Variants in SSC5D observed in about 807,000 individuals in gnomAD.
SSC5D encodes soluble scavenger receptor cysteine-rich domain-containing protein SSC5D.
SSC5D carries 106 observed loss-of-function variants against 104.6 expected under a neutral mutation model. The ratio of observed to expected loss-of-function variants is 1.01; its 90% confidence interval spans 0.87 to 1.19. SSC5D has a LOEUF of 1.19. Ranked by LOEUF, SSC5D falls within the 50% of genes most tolerant of loss-of-function variation. The pLI is 0.00. For synonymous variants in SSC5D, 860 were observed against 883.5 expected (o/e 0.97, Z 0.47); for missense variants, 1,993 against 2,153.8 (o/e 0.93, Z 1.48).
rs1447724512 is a variant in SSC5D at position 55,488,687 on chromosome 19, T to C, written c.25+73T>C. Reference sequence around the variant, plus strand: ...CTCTGACCCCTTAGCTTGTCCAGTTTAGGGACTCAAACTTCCGGGACTGGT... The same window carrying C: ...CTCTGACCCCTTAGCTTGTCCAGTTCAGGGACTCAAACTTCCGGGACTGGT... On this transcript the variant is annotated intron_variant, in intron 1 of 13. Transcript: ENST00000389623. 19 of 1,390,098 alleles carry C rather than the reference T, an allele frequency of 1.4e-5. No individual in the cohort carries two copies. In the East Asian group the frequency reaches 3.2e-4, roughly 24 times the overall value. 86.1% of individuals were successfully genotyped at this position (1,390,098 alleles called of 1,614,324 possible). A position where few individuals can be genotyped will look rare whatever the true frequency, so the allele number is the denominator to read the frequency against.
At chr19:55,504,905 A>G (rs1987604603) in intron 12 of SSC5D, among the ~76,000 whole-genome samples, 1 of 152,232 alleles carries the variant, frequency 6.6e-6, no homozygotes, top group African/African-American at 2.4e-5. Context: ...TTCAGGCCAT[A>G]GAAACTGTTG....
In SSC5D at chr19:55,500,056, C is replaced by T. The variant is rs1042519956; in HGVS notation, c.1946C>T (p.Thr649Met). 4.3e-5 allele frequency: 66 copies of T among 1,551,662 alleles called. No individual in the cohort carries two copies. Among genetic ancestry groups the T allele is most frequent in the Non-Finnish European group, 3.0e-5 (34 of 1,147,016 alleles). The change falls in exon 10 of 14, where the codon ACG becomes ATG. Residue 649 changes from threonine to methionine, a missense_variant. Thr to Met is a moderately conservative substitution (Grantham distance 81). Coordinates refer to ENST00000389623, the MANE Select transcript of SSC5D (RefSeq NM_001144950.2). This position sits in a 1 kb window ranked among gnomAD's most constrained non-coding sequence, Gnocchi z 4.6. ...ACTCAACCCCCAGTGATGCCAACCA[C>T]GAAACACTCCAGGGCCCAAAGCCCC... is the stretch of plus-strand genomic sequence containing the variant. ...PTTQPPVMPT[T>M]KHSRAQSPPD...
In SSC5D at chr19:55,517,644, C is replaced by T. The variant is rs957280811; in HGVS notation, c.3368C>T (p.Thr1123Ile). Reference sequence around the variant, plus strand: ...TCAGAGCAGGTCCCAGAATCTGACACAACCCCAGATTTGGACACAACTCCA... The same window carrying T: ...TCAGAGCAGGTCCCAGAATCTGACATAACCCCAGATTTGGACACAACTCCA... ...PTSEQVPESDTTPDLDTTPYS... is the reference protein window; with the variant it reads ...PTSEQVPESDITPDLDTTPYS... The change falls in exon 14 of 14, where the codon ACA (threonine) becomes ATA (isoleucine). Residue 1123 changes from threonine (T) to isoleucine (I), a missense_variant. Physicochemically the swap from Thr to Ile is moderately conservative, Grantham distance 89. Transcript: ENST00000389623. The T allele has an allele frequency of 1.5e-5, 24 of 1,551,688 alleles. No homozygotes were observed. In the Admixed American group the frequency reaches 3.7e-4, roughly 24 times the overall value.
chr19:55,489,868 C>CG lies in SSC5D; in HGVS notation c.362-14_362-13insG. On this transcript the variant is annotated splice_polypyrimidine_tract_variant and intron_variant, in intron 3 of 13. Transcript: ENST00000389623. Reference sequence around the variant, plus strand: ...CCTCTCCTCATAGCTTCTGTCCCTGCCCCCCCGCCGCAGGTCAGCGTGTGG... The same window carrying CG: ...CCTCTCCTCATAGCTTCTGTCCCTGCGCCCCCCGCCGCAGGTCAGCGTGTGG... 1 of 1,541,584 alleles carries CG rather than the reference C, an allele frequency of 6.5e-7. No homozygotes were observed. The highest frequency in any genetic ancestry group is 8.8e-7 in the Non-Finnish European group (1 of 1,138,746).
intron 7 of SSC5D, 58 bp downstream of exon 7, chr19:55,493,970 G>T: frequency 2.2e-6 from 1 of 455,668 alleles, no homozygotes; most frequent in South Asian, 2.9e-5. Context: ...GGAGCGGAGG[G>T]GCAAGTTCGG....
Position 55,493,896 on chromosome 19 carries a change from C to A in SSC5D, c.1197C>A (p.Ala399=), listed in dbSNP as rs549195112. 218 of 1,462,998 alleles carry A rather than the reference C, an allele frequency of 1.5e-4. 2 individuals carry two copies. In the Admixed American group the frequency reaches 4.1e-3, roughly 27 times the overall value. 90.6% of individuals were successfully genotyped at this position (1,462,998 alleles called of 1,614,324 possible). ...GQHDCHHRED[A]GAVCDGMPLG... Reference sequence around the variant, plus strand: ...ATGACTGTCACCACCGCGAGGACGCCGGGGCCGTGTGTGACGGTGAGGGGG... The same window carrying A: ...ATGACTGTCACCACCGCGAGGACGCAGGGGCCGTGTGTGACGGTGAGGGGG... Residue 399 remains alanine (A), a synonymous_variant, in exon 7 of 14, where the codon GCC becomes GCA. Coordinates refer to ENST00000389623, the MANE Select transcript of SSC5D (RefSeq NM_001144950.2).
chr19:55,510,576 T>A (rs949691354), intron 12 of SSC5D, among the ~76,000 whole-genome samples: 3 of 150,652 alleles, frequency 2.0e-5, no homozygotes, highest in Admixed American at 1.3e-4. Context: ...CTCAAACTCC[T>A]GACCTCGTGA....
chr19:55,490,486 G>A lies in SSC5D; in HGVS notation c.586+78G>A, dbSNP rs369074820. On this transcript the variant is annotated intron_variant, in intron 5 of 13. Transcript: ENST00000389623. ...GGGCCCAGAAAAACTGAGGACCTGC[G>A]GGCGCCCTCTCCTTAGCCGGGGCCC... 1.8e-3 allele frequency: 1,135 copies of A among 623,562 alleles called. 5 individuals are homozygous for A. The highest frequency in any genetic ancestry group is 1.7e-3 in the Admixed American group (51 of 30,088). The allele number at this position is 623,562 out of a possible 1,614,324, so 38.6% of individuals were successfully genotyped here. A position where few individuals can be genotyped will look rare whatever the true frequency, so the allele number is the denominator to read the frequency against.
At chr19:55,509,999 T>C (rs1317848818) in intron 12 of SSC5D, among the ~76,000 whole-genome samples, 1 of 150,738 alleles carries the variant, frequency 6.6e-6, no homozygotes, top group Non-Finnish European at 1.5e-5. Flanking sequence ...TTTGTGTTCT[T>C]TTTTTTTTGT....
At chr19:55,489,057 T>TTGGGG in intron 2 of SSC5D, 25 bp downstream of exon 2, 2 of 1,247,978 alleles carry the variant, frequency 1.6e-6, no homozygotes, top group Non-Finnish European at 2.1e-6. Flanking sequence ...TCCTCCCATC[T>TTGGGG]GCCCGCCCCC....
intron 6 of SSC5D, 60 bp downstream of exon 6, chr19:55,491,140 C>G: frequency 6.7e-7 from 1 of 1,494,742 alleles, no homozygotes; most frequent in Non-Finnish European, 8.9e-7. Context: ...TCCCTCTTGC[C>G]CCTCCAGGAA....
chr19:55,498,546 C>T (rs4801703), intron 9 of SSC5D, among the ~76,000 whole-genome samples: 1 of 151,922 alleles, frequency 6.6e-6, no homozygotes, highest in East Asian at 1.9e-4. Flanking sequence ...AGCTTTCCTA[C>T]GATGAAAGGA....
At position 55,488,584 on chromosome 19, in the gene SSC5D, G is replaced by A. The variant is rs1218096661; in HGVS notation, c.-6G>A. ...TTTCACCCCATCCCCTGCCCTGGCT[G>A]CAACCATGAGGGTCTTGGCCTGCCT... On this transcript the variant is annotated 5_prime_UTR_variant, in exon 1 of 14. Transcript: ENST00000389623. 3.4e-5 allele frequency: 53 copies of A among 1,549,506 alleles called. No homozygotes were observed. The highest frequency in any genetic ancestry group is 4.4e-5 in the Non-Finnish European group (51 of 1,146,366).
rs1987567498 is a variant in SSC5D at position 55,503,655 on chromosome 19, G to A, written c.2785+2454G>A. 6.6e-6 allele frequency among the ~76,000 whole-genome samples: 1 copy of A among 152,120 alleles called. No individual in the cohort carries two copies. Among genetic ancestry groups the A allele is most frequent in the Non-Finnish European group, 1.5e-5 (1 of 68,016 alleles). On this transcript the variant is annotated intron_variant, in intron 12 of 13. Transcript: ENST00000389623. This position sits in a 1 kb window ranked among gnomAD's most constrained non-coding sequence, Gnocchi z 4.0. Reference sequence around the variant, plus strand: ...TCCCTCTGTGCCCGTCGCAGTCGCTGTTTCTCCGTCTTCTCCCTCCCTTCC... The same window carrying A: ...TCCCTCTGTGCCCGTCGCAGTCGCTATTTCTCCGTCTTCTCCCTCCCTTCC...
intron 8 of SSC5D, among the ~76,000 whole-genome samples, chr19:55,495,901 ATTTTTTT>A (rs36109915): frequency 3.1e-4 from 31 of 98,712 alleles, no homozygotes; most frequent in East Asian, 1.3e-3. Flanking sequence ...GAGCCTGGCT[ATTTTTTT>A]TTTTTTTTTT....
At chr19:55,505,541 C>T (rs1035426541) in intron 12 of SSC5D, among the ~76,000 whole-genome samples, 1 of 151,704 alleles carries the variant, frequency 6.6e-6, no homozygotes, top group African/African-American at 2.4e-5. Context: ...AAGATCAAGG[C>T]GCCAGCAGGG....
chr19:55,495,042 A>C (rs1317351433), intron 8 of SSC5D, among the ~76,000 whole-genome samples: 1 of 151,408 alleles, frequency 6.6e-6, no homozygotes, highest in Non-Finnish European at 1.5e-5. Flanking sequence ...GGATAAGAGA[A>C]AGGATGCTGG....
In SSC5D at chr19:55,500,079, C is replaced by T; in HGVS notation, c.1969C>T (p.Pro657Ser). The T allele has an allele frequency of 6.4e-7, 1 of 1,551,576 alleles. No individual in the cohort carries two copies. The highest frequency in any genetic ancestry group is 8.7e-7 in the Non-Finnish European group (1 of 1,146,828). Residue 657 changes from proline (P) to serine (S), a missense_variant, in exon 10 of 14, where the codon CCC (proline) becomes TCC (serine). Around this residue, in one of 6 missense-constraint regions of SSC5D, gnomAD observed 1,101 missense variants for 1,085.0 expected, o/e 1.01. Coordinates refer to ENST00000389623, the MANE Select transcript of SSC5D (RefSeq NM_001144950.2). This position sits in a 1 kb window ranked among gnomAD's most constrained non-coding sequence, Gnocchi z 4.6. ...PTTKHSRAQS[P>S]PDLTSQTTAA... Reference sequence around the variant, plus strand: ...CACGAAACACTCCAGGGCCCAAAGCCCCCCAGACCTAACCTCACAGACCAC... The same window carrying T: ...CACGAAACACTCCAGGGCCCAAAGCTCCCCAGACCTAACCTCACAGACCAC...
rs531690273 is a variant in SSC5D at position 55,503,998 on chromosome 19, G to GC, written c.2785+2801dup. On this transcript the variant is annotated intron_variant, in intron 12 of 13. Transcript: ENST00000389623. The surrounding 1 kb of genome is among the most constrained non-coding windows in gnomAD (Gnocchi z 4.0). ...TAATAGCTGGGCGAAGGGCAACCAG[G>GC]CCCCAAGAAGCGGGCCTTGAGGTGG... 489 of 986,812 alleles carry GC rather than the reference G, an allele frequency of 5.0e-4. 1 individual carries two copies. The highest frequency in any genetic ancestry group is 7.1e-4 in the Admixed American group (26 of 36,432). The allele number at this position is 986,812 out of a possible 1,614,324, so 61.1% of individuals were successfully genotyped here.
Sources: gnomAD v4.1 joint callset for allele counts (sites outside exome capture counted in the v4.1 genomes callset) on GRCh38, gnomAD v4.1.1 for gene constraint, gnomAD v4.1.1 regional missense constraint, Gnocchi (gnomAD v3.1) non-coding constraint, MANE v1.5 for transcripts, NCBI Gene and HGNC (gene_info 2026-07-23, HGNC 2026-07-21) for gene names.